The following PARVA variants were observed in gnomAD, a reference collection of about 807,000 sequenced individuals.
The protein encoded by PARVA is alpha-parvin.
A neutral mutation model predicts 52.6 loss-of-function variants in PARVA; 25 were observed. The ratio of observed to expected loss-of-function variants is 0.48; its 90% CI spans 0.35 to 0.66. PARVA has a LOEUF of 0.66. PARVA is among the 30% of genes least tolerant of loss of function. The probability of loss-of-function intolerance (pLI) is 0.01; values close to 1 mark genes in which losing one functional copy is unlikely to be tolerated. For missense variants in PARVA, 373 were observed against 450.9 expected, an observed-to-expected ratio of 0.83 and a Z score of 1.56; for synonymous variants, 185 against 179.1, an observed-to-expected ratio of 1.03 and a Z score of -0.26.
chr11:12,445,355 C>G (rs1005690762), intron 1 of PARVA, among the ~76,000 whole-genome samples: 2 of 152,044 alleles, frequency 1.3e-5, no homozygotes, highest in Admixed American at 6.6e-5. Context: ...GAGGGCCACC[C>G]AACAGACAAG....
intron 1 of PARVA, 115 bp from the exon 2 acceptor site, chr11:12,473,630 A>G: frequency 1.3e-6 from 1 of 758,926 alleles, no homozygotes; most frequent in Non-Finnish European, 2.3e-6. Context: ...AACAGCTGTA[A>G]TCTACCCTTA....
rs1378277458 is a variant in PARVA at position 12,533,243 on chromosome 11, G to A, written c.*5318G>A. 6.6e-6 allele frequency among the ~76,000 whole-genome samples: 1 copy of A among 152,222 alleles called. No individual in the cohort carries two copies. The highest frequency in any genetic ancestry group is 1.5e-5 in the Non-Finnish European group (1 of 68,036). ...AGGGAATGAAATAAGGGGCCTACCA[G>A]GCCAGAACGCTGATCCATGGAGACC... On this transcript the variant is annotated 3_prime_UTR_variant, in exon 13 of 13. Coordinates refer to ENST00000334956, the MANE Select transcript of PARVA (RefSeq NM_018222.5).
intron 1 of PARVA, among the ~76,000 whole-genome samples, chr11:12,437,684 T>C (rs1940405578): frequency 6.6e-6 from 1 of 152,186 alleles, no homozygotes; most frequent in Non-Finnish European, 1.5e-5. Context: ...ATCAAGGCTG[T>C]GCTTAGTGTC....
At chr11:12,431,353 A>G (rs113821092) in intron 1 of PARVA, among the ~76,000 whole-genome samples, 3 of 152,288 alleles carry the variant, frequency 2.0e-5, no homozygotes, top group African/African-American at 7.2e-5. Flanking sequence ...TGAGCCACTT[A>G]ACACCCTGTG....
intron 1 of PARVA, among the ~76,000 whole-genome samples, chr11:12,408,494 TC>T (rs1014025389): frequency 3.9e-5 from 6 of 152,166 alleles, no homozygotes; most frequent in Non-Finnish European, 8.8e-5. Flanking sequence ...AATGTTTTCA[TC>T]CCTGTGCCTC....
Position 12,383,226 on chromosome 11 carries a change from C to G in PARVA, c.136+5443C>G, listed in dbSNP as rs148111975. On this transcript the variant is annotated intron_variant, in intron 1 of 12. Coordinates refer to ENST00000334956, the MANE Select transcript of PARVA (RefSeq NM_018222.5). ...CAATTCCATTTCTGTTGGACATGGC[C>G]CTCCTGTGTGGATTCTTTCACTGCC... Among the ~76,000 whole-genome samples the G allele has an allele frequency of 1.4e-3, 211 of 152,228 alleles. 1 individual carries two copies. Among genetic ancestry groups the G allele is most frequent in the Non-Finnish European group, 2.4e-3 (166 of 68,024 alleles).
chr11:12,431,311 C>T (rs372866976), intron 1 of PARVA, among the ~76,000 whole-genome samples: 83 of 152,328 alleles, frequency 5.4e-4, no homozygotes, highest in African/African-American at 1.9e-3. Context: ...ACATATCTGT[C>T]ACCCCTGCGT....
chr11:12,515,932 G>A (rs1381002491), intron 10 of PARVA, among the ~76,000 whole-genome samples: 1 of 152,160 alleles, frequency 6.6e-6, no homozygotes, highest in African/African-American at 2.4e-5. Context: ...AACTTCCCAG[G>A]CTCAGGTGAT....
chr11:12,414,831 A>G (rs4432000), intron 1 of PARVA, among the ~76,000 whole-genome samples: 38,141 of 152,074 alleles, frequency 0.25, 6,399 homozygotes, highest in African/African-American at 0.47. Flanking sequence ...TCTGTGGGTT[A>G]TGGCCAGCCC....
Position 12,393,868 on chromosome 11 carries a change from C to T in PARVA, c.136+16085C>T, listed in dbSNP as rs2134957341. On this transcript the variant is annotated intron_variant, in intron 1 of 12. Transcript: ENST00000334956. Reference sequence around the variant, plus strand: ...TGCTCTTGAGTGGCACGCTCCTCTACCTTCCTCTGAATAGTAGCTCAGAGG... The same window carrying T: ...TGCTCTTGAGTGGCACGCTCCTCTATCTTCCTCTGAATAGTAGCTCAGAGG... Among the ~76,000 whole-genome samples, 3 of 152,298 alleles carry T rather than the reference C, an allele frequency of 2.0e-5. No homozygotes were observed. In the South Asian group the frequency reaches 6.2e-4, roughly 32 times the overall value.
intron 1 of PARVA, among the ~76,000 whole-genome samples, chr11:12,447,039 T>C (rs983951780): frequency 6.6e-6 from 1 of 152,204 alleles, no homozygotes; most frequent in Non-Finnish European, 1.5e-5. Flanking sequence ...TAAATGTGAC[T>C]GATGAGCATG....
intron 1 of PARVA, among the ~76,000 whole-genome samples, chr11:12,391,926 C>T (rs1190120278): frequency 6.6e-6 from 1 of 152,094 alleles, no homozygotes; most frequent in Non-Finnish European, 1.5e-5. Context: ...TTAGTATATT[C>T]ATAGTTGTGC....
At position 12,489,973 on chromosome 11, in the gene PARVA, T is replaced by C. The variant is rs192161328; in HGVS notation, c.401-6485T>C. Among the ~76,000 whole-genome samples the C allele has an allele frequency of 4.2e-4, 64 of 151,968 alleles. No individual in the cohort carries two copies. In the East Asian group the frequency reaches 0.012, roughly 28 times the overall value. On this transcript the variant is annotated intron_variant, in intron 4 of 12. Coordinates refer to ENST00000334956, the MANE Select transcript of PARVA (RefSeq NM_018222.5). ...GGCTCACGCCTATAATCCCAGCATT[T>C]TGGGAGGCCAAGGCAGATGGATCAC...
At position 12,507,498 on chromosome 11, in the gene PARVA, G is replaced by A. The variant is rs555414009; in HGVS notation, c.658-1086G>A. On this transcript the variant is annotated intron_variant, in intron 6 of 12. Coordinates refer to ENST00000334956, the MANE Select transcript of PARVA (RefSeq NM_018222.5). The stretch of plus-strand genomic sequence containing the variant: ...CACTCAGAGCTGCCCCCTGACTGAT[G>A]GCAGCTGCCCTCCCCTGGATGGCCT... 5.3e-5 allele frequency among the ~76,000 whole-genome samples: 8 copies of A among 152,290 alleles called. No individual in the cohort carries two copies. In the East Asian group the frequency reaches 1.4e-3, roughly 26 times the overall value.
At chr11:12,442,794 G>C (rs1386431540) in intron 1 of PARVA, among the ~76,000 whole-genome samples, 4 of 151,946 alleles carry the variant, frequency 2.6e-5, no homozygotes, top group Non-Finnish European at 5.9e-5. Context: ...CATAAGGGCA[G>C]TTTCCAAAAG....
chr11:12,380,376 G>T (rs1939467069), intron 1 of PARVA, among the ~76,000 whole-genome samples: 1 of 150,696 alleles, frequency 6.6e-6, no homozygotes, highest in Admixed American at 6.6e-5. Flanking sequence ...ACAAGCTGGG[G>T]TTATGGACGA....
intron 1 of PARVA, among the ~76,000 whole-genome samples, chr11:12,443,560 G>A (rs1940500361): frequency 6.6e-6 from 1 of 151,268 alleles, no homozygotes; most frequent in East Asian, 2.0e-4. Flanking sequence ...AGGAACTACT[G>A]AACTCTTGGC....
intron 7 of PARVA, among the ~76,000 whole-genome samples, chr11:12,510,253 G>A (rs1941488656): frequency 6.6e-6 from 1 of 152,174 alleles, no homozygotes; most frequent in African/African-American, 2.4e-5. Flanking sequence ...TCTTTCCAGT[G>A]CACTACTTGC....
intron 1 of PARVA, among the ~76,000 whole-genome samples, chr11:12,397,670 G>A (rs1939768331): frequency 6.6e-6 from 1 of 152,114 alleles, no homozygotes; most frequent in African/African-American, 2.4e-5. Context: ...CTTCTCTTTA[G>A]CCACACATTT....
Sources: gnomAD v4.1 joint callset for allele counts (sites outside exome capture counted in the v4.1 genomes callset) on GRCh38, gnomAD v4.1.1 for gene constraint, MANE v1.5 for transcripts, NCBI Gene and HGNC (gene_info 2026-07-23, HGNC 2026-07-21) for gene names.